SH3PXD2B: variants seen among roughly 807,000 people sequenced by gnomAD.
SH3PXD2B encodes SH3 and PX domains 2B.
Under a neutral mutation model 73.1 loss-of-function variants are expected in SH3PXD2B, and 37 were observed. The ratio of observed to expected loss-of-function variants is 0.51; its 90% CI spans 0.39 to 0.67. The LOEUF (loss-of-function observed/expected upper bound fraction) is 0.67. Among genes scored for constraint, SH3PXD2B ranks in the 30% least tolerant of loss-of-function variants. SH3PXD2B has a pLI of 0.00. For missense variants in SH3PXD2B, 1,053 were observed against 1,197.8 expected (o/e 0.88, Z 1.78); for synonymous variants, 457 against 480.5 (o/e 0.95, Z 0.64).
chr5:172,448,670 A>G (rs13357817), intron 1 of SH3PXD2B, among the ~76,000 whole-genome samples: 5,865 of 152,352 alleles, frequency 0.038, 361 homozygotes, highest in African/African-American at 0.13. Context: ...GCTGGAGCAC[A>G]GATTCCGTGC....
intron 5 of SH3PXD2B, among the ~76,000 whole-genome samples, chr5:172,380,950 C>T (rs1258131433): frequency 2.0e-5 from 3 of 152,192 alleles, no homozygotes; most frequent in Non-Finnish European, 4.4e-5. Flanking sequence ...TCTGTGAACT[C>T]GATTTTGGAG....
chr5:172,438,382 A>T (rs1759442067), intron 1 of SH3PXD2B, among the ~76,000 whole-genome samples: 1 of 152,114 alleles, frequency 6.6e-6, no homozygotes, highest in Admixed American at 6.5e-5. Context: ...CCCTTGGGGC[A>T]GGGCCGGGTT....
Position 172,413,355 on chromosome 5 carries a change from G to A in SH3PXD2B, c.157-7003C>T, listed in dbSNP as rs1472934009. On this transcript the variant is annotated intron_variant, in intron 2 of 12. Coordinates refer to ENST00000311601, the MANE Select transcript of SH3PXD2B (RefSeq NM_001017995.3). The stretch of plus-strand genomic sequence containing the variant: ...TGGTGTCCTGATGGACGTGCTGCAC[G>A]GAGGCTGCCACCACCTCCGGTCTGT... 2.6e-5 allele frequency among the ~76,000 whole-genome samples: 4 copies of A among 152,182 alleles called. No homozygotes were observed. The East Asian group carries it at 5.8e-4, about 22-fold the overall frequency.
At position 172,394,548 on chromosome 5, in the gene SH3PXD2B, A is replaced by C; in HGVS notation, c.309+15T>G. On this transcript the variant is annotated intron_variant, in intron 4 of 12. Transcript: ENST00000311601. ...CACCTACAGGGAAGACTGCGTGGGC[A>C]TTTCTCAGCCTTACCTTACAGTATT... 6.2e-7 allele frequency: 1 copy of C among 1,613,850 alleles called. No individual in the cohort carries two copies. The highest frequency in any genetic ancestry group is 8.5e-7 in the Non-Finnish European group (1 of 1,179,782).
At chr5:172,363,847 G>T (rs1023510257) in intron 6 of SH3PXD2B, among the ~76,000 whole-genome samples, 2 of 152,226 alleles carry the variant, frequency 1.3e-5, no homozygotes, top group Non-Finnish European at 2.9e-5. Flanking sequence ...TCAATTAAGG[G>T]CTTTGAGAAA....
intron 1 of SH3PXD2B, among the ~76,000 whole-genome samples, chr5:172,431,836 C>G (rs1222892109): frequency 2.0e-5 from 3 of 152,144 alleles, no homozygotes; most frequent in African/African-American, 4.8e-5. Flanking sequence ...GTGATCAATA[C>G]ATAACTTTGT....
chr5:172,401,590 A>G (rs1758422138), intron 3 of SH3PXD2B, among the ~76,000 whole-genome samples: 1 of 152,220 alleles, frequency 6.6e-6, no homozygotes, highest in Non-Finnish European at 1.5e-5. Flanking sequence ...ATTTATATAA[A>G]AAGAAAGGGA....
chr5:172,334,927 T>C lies in SH3PXD2B; in HGVS notation c.*3442A>G, dbSNP rs1453287655. The stretch of plus-strand genomic sequence containing the variant: ...TGACTTGGAAATTGATTCTATGGCG[T>C]GGCCTTGTGGCAGAGGTTTAAAATG... On this transcript the variant is annotated 3_prime_UTR_variant, in exon 13 of 13. Transcript: ENST00000311601. 1 of 985,302 alleles carries C rather than the reference T, an allele frequency of 1.0e-6. No individual in the cohort carries two copies. The highest frequency in any genetic ancestry group is 1.2e-6 in the Non-Finnish European group (1 of 829,952). The allele number at this position is 985,302 out of a possible 1,614,324, so 61.0% of individuals were successfully genotyped here. A position where few individuals can be genotyped will look rare whatever the true frequency, so the allele number is the denominator to read the frequency against.
intron 2 of SH3PXD2B, among the ~76,000 whole-genome samples, chr5:172,416,331 C>CTTT (rs200998117): frequency 4.9e-5 from 7 of 143,356 alleles, no homozygotes; most frequent in African/African-American, 1.0e-4. Context: ...CCTGTCTCTA[C>CTTT]TTTTTTTTTT....
At chr5:172,371,489 T>A (rs147488734) in intron 6 of SH3PXD2B, among the ~76,000 whole-genome samples, 150 of 152,206 alleles carry the variant, frequency 9.9e-4, no homozygotes, top group African/African-American at 3.2e-3. Flanking sequence ...CAATGTTAGA[T>A]CCCTTCAAAA....
At position 172,406,359 on chromosome 5, in the gene SH3PXD2B, G is replaced by A. The variant is rs769916334; in HGVS notation, c.157-7C>T. ...ATTTGTCCAACATCTGCATCTAAGT[G>A]GGGGGCGAATACCAAAAACAAAAAC... On this transcript the variant is annotated splice_polypyrimidine_tract_variant and splice_region_variant and intron_variant, in intron 2 of 12. Coordinates refer to ENST00000311601, the MANE Select transcript of SH3PXD2B (RefSeq NM_001017995.3). 1.9e-6 allele frequency: 3 copies of A among 1,613,744 alleles called. No individual in the cohort carries two copies. Among genetic ancestry groups the A allele is most frequent in the African/African-American group, 2.7e-5 (2 of 74,888 alleles).
intron 3 of SH3PXD2B, among the ~76,000 whole-genome samples, chr5:172,399,073 T>C (rs1172077827): frequency 2.0e-5 from 3 of 152,242 alleles, no homozygotes; most frequent in African/African-American, 7.2e-5. Flanking sequence ...CCAGATTTGA[T>C]CTGAATTTAA....
rs1294240985 is a variant in SH3PXD2B at position 172,358,807 on chromosome 5, C to T, written c.633G>A (p.Gly211=). ...VPATCLEGQD[G]VQDEFSLQPE... ...GCTGCAGAGAAAACTCATCCTGCAC[C>T]CCATCCTGGCCTTCGAGGCACGTTG... Residue 211 remains glycine (G), a synonymous_variant, in exon 8 of 13, where the codon GGG becomes GGA. Coordinates refer to ENST00000311601, the MANE Select transcript of SH3PXD2B (RefSeq NM_001017995.3). 9.3e-6 allele frequency: 15 copies of T among 1,613,660 alleles called. No individual in the cohort carries two copies. Among genetic ancestry groups the T allele is most frequent in the Non-Finnish European group, 1.3e-5 (15 of 1,179,908 alleles).
At chr5:172,387,705 G>A (rs1484804901) in intron 4 of SH3PXD2B, among the ~76,000 whole-genome samples, 2 of 152,176 alleles carry the variant, frequency 1.3e-5, no homozygotes, top group African/African-American at 4.8e-5. Context: ...CTATTTATGA[G>A]GTGGCTTGAT....
At chr5:172,393,900 T>C (rs955906219) in intron 4 of SH3PXD2B, among the ~76,000 whole-genome samples, 9 of 152,026 alleles carry the variant, frequency 5.9e-5, no homozygotes, top group African/African-American at 2.2e-4. Flanking sequence ...TTTGGAAGCA[T>C]GAATGTATAA....
intron 1 of SH3PXD2B, among the ~76,000 whole-genome samples, chr5:172,425,321 T>G (rs1278640624): frequency 6.6e-6 from 1 of 152,042 alleles, no homozygotes; most frequent in Non-Finnish European, 1.5e-5. Flanking sequence ...CTGCCCTTGT[T>G]AAGTGGAGAT....
chr5:172,343,594 A>T (rs1756907017), intron 12 of SH3PXD2B, among the ~76,000 whole-genome samples: 2 of 152,170 alleles, frequency 1.3e-5, no homozygotes, highest in Admixed American at 6.5e-5. Context: ...TGAGGTCAGG[A>T]GTTCGAGACT....
chr5:172,354,045 C>T, intron 8 of SH3PXD2B, 40 bp from the exon 9 acceptor site: 33 of 1,577,380 alleles, frequency 2.1e-5, no homozygotes, highest in Non-Finnish European at 2.9e-5. Context: ...AAGAGGACAC[C>T]AAGAGGCTTG....
chr5:172,425,197 G>A (rs187643658), intron 1 of SH3PXD2B, among the ~76,000 whole-genome samples: 1 of 152,098 alleles, frequency 6.6e-6, no homozygotes, highest in African/African-American at 2.4e-5. Flanking sequence ...TGGAGATTTT[G>A]AATGGTTTCC....
Sources: allele counts gnomAD v4.1 joint callset (sites outside exome capture counted in the v4.1 genomes callset), GRCh38; gene constraint gnomAD v4.1.1; transcripts MANE v1.5; gene names NCBI Gene and HGNC (gene_info 2026-07-23, HGNC 2026-07-21).